CSF1: variants seen among roughly 807,000 people sequenced by gnomAD.
CSF1 encodes the protein macrophage colony-stimulating factor 1.
A neutral mutation model predicts 48.9 loss-of-function variants in CSF1; 9 were observed. That is an observed-to-expected ratio of 0.18 (90% CI 0.11 to 0.32). The LOEUF (loss-of-function observed/expected upper bound fraction) is 0.32, where lower values mean the gene tolerates loss of function less well. Among genes scored for constraint, CSF1 ranks in the 10% least tolerant of loss-of-function variants. The probability of loss-of-function intolerance (pLI) is 1.00; values close to 1 mark genes in which losing one functional copy is unlikely to be tolerated. For missense variants in CSF1, 672 were observed against 697.9 expected, an observed-to-expected ratio of 0.96 and a Z score of 0.42; for synonymous variants, 305 against 284.1, an observed-to-expected ratio of 1.07 and a Z score of -0.74.
At chr1:109,912,900 CA>C in intron 1 of CSF1, among the ~76,000 whole-genome samples, 1 of 152,262 alleles carries the variant, frequency 6.6e-6, no homozygotes, top group South Asian at 2.1e-4. Flanking sequence ...TTCCCTCCCT[CA>C]GATCAGCCAG....
At chr1:109,920,339 C>T (rs1647472948) in intron 4 of CSF1, among the ~76,000 whole-genome samples, 1 of 150,792 alleles carries the variant, frequency 6.6e-6, no homozygotes, top group Non-Finnish European at 1.5e-5. Context: ...GCCATCTCAG[C>T]TCACTGCAAC....
chr1:109,919,681 C>A (rs943842969), intron 4 of CSF1, among the ~76,000 whole-genome samples: 3 of 152,084 alleles, frequency 2.0e-5, no homozygotes, highest in African/African-American at 4.8e-5. Context: ...GCTCCAGGGC[C>A]GGGCGCGGTG....
chr1:109,914,250 C>T lies in CSF1; in HGVS notation c.40-9C>T, dbSNP rs550625120. On this transcript the variant is annotated splice_polypyrimidine_tract_variant and intron_variant, in intron 1 of 8. Coordinates refer to ENST00000329608, the MANE Select transcript of CSF1 (RefSeq NM_000757.6). The stretch of plus-strand genomic sequence containing the variant: ...GACCTGGGGAGAAATGACACCCTCT[C>T]TGTCACAGACATGGCTGGGCTCCCT... 3.8e-5 allele frequency: 60 copies of T among 1,594,432 alleles called. No individual in the cohort carries two copies. The South Asian group carries it at 6.6e-4, about 17-fold the overall frequency.
chr1:109,922,887 A>G (rs1359036740), intron 5 of CSF1, among the ~76,000 whole-genome samples: 1 of 152,130 alleles, frequency 6.6e-6, no homozygotes, highest in Non-Finnish European at 1.5e-5. Context: ...GAACCCCTGC[A>G]TGGGCTGTTC....
intron 8 of CSF1, among the ~76,000 whole-genome samples, chr1:109,927,605 C>A (rs1261964212): frequency 6.6e-6 from 1 of 152,176 alleles, no homozygotes; most frequent in East Asian, 1.9e-4. Context: ...AAGCTTTCCT[C>A]TTCCCCCTCA....
chr1:109,918,203 A>C (rs1218653869), intron 4 of CSF1, among the ~76,000 whole-genome samples: 3 of 152,254 alleles, frequency 2.0e-5, no homozygotes, highest in African/African-American at 7.2e-5. Flanking sequence ...AAAGCTATGC[A>C]CAAAGCCCTA....
At chr1:109,920,476 G>C (rs1647480343) in intron 4 of CSF1, among the ~76,000 whole-genome samples, 1 of 152,098 alleles carries the variant, frequency 6.6e-6, no homozygotes, top group Non-Finnish European at 1.5e-5. Context: ...GTGCCACCAT[G>C]CCTGGCTAAT....
rs930059398 is a variant in CSF1, at chr1:109,917,416, T to C, written c.349T>C (p.Leu117=). ...IAIVQLQELS[L]RLKSCFTKDY... ...CATTGTGCAGCTGCAGGAACTCTCT[T>C]TGAGGCTGAAGAGCTGCTTCACCAA... Residue 117 remains leucine, a synonymous_variant, in exon 4 of 9, where the codon TTG becomes CTG. Transcript: ENST00000329608. 30 of 1,614,042 alleles carry C rather than the reference T, an allele frequency of 1.9e-5. No homozygotes were observed. Among genetic ancestry groups the C allele is most frequent in the Non-Finnish European group, 2.5e-5 (29 of 1,180,032 alleles).
intron 8 of CSF1, among the ~76,000 whole-genome samples, chr1:109,927,852 T>C (rs1231916784): frequency 2.0e-5 from 3 of 152,198 alleles, no homozygotes; most frequent in Admixed American, 2.0e-4. Flanking sequence ...ACCTCAGCCC[T>C]AAGCAGCTAG....
chr1:109,911,439 C>T (rs1654679877), intron 1 of CSF1, among the ~76,000 whole-genome samples: 1 of 152,238 alleles, frequency 6.6e-6, no homozygotes, highest in African/African-American at 2.4e-5. Context: ...GTGTGCCCTC[C>T]CCGGTGGGCA....
At chr1:109,921,717 G>A in intron 4 of CSF1, 130 bp from the exon 5 acceptor site, 2 of 1,182,380 alleles carry the variant, frequency 1.7e-6, no homozygotes, top group East Asian at 2.5e-5. Flanking sequence ...CAAACCAGGG[G>A]AAAGGGGAGC....
chr1:109,917,471 G>A lies in CSF1; in HGVS notation c.396+8G>A. Reference sequence around the variant, plus strand: ...TATGAAGAGCATGACAAGGTAGGAAGCCCTGAGGCCTGGAGCACTGAGTGA... The same window carrying A: ...TATGAAGAGCATGACAAGGTAGGAAACCCTGAGGCCTGGAGCACTGAGTGA... On this transcript the variant is annotated splice_region_variant and intron_variant, in intron 4 of 8. Transcript: ENST00000329608. 1 of 1,613,496 alleles carries A rather than the reference G, an allele frequency of 6.2e-7. No individual in the cohort carries two copies. The highest frequency in any genetic ancestry group is 2.2e-5 in the East Asian group (1 of 44,882).
In CSF1 at chr1:109,925,427, G is replaced by A. The variant is rs185600944; in HGVS notation, c.*13+225G>A. Among the ~76,000 whole-genome samples, 1,028 of 151,898 alleles carry A rather than the reference G, an allele frequency of 6.8e-3. 26 individuals carry two copies. Among genetic ancestry groups the A allele is most frequent in the Admixed American group, 0.044 (674 of 15,260 alleles). On this transcript the variant is annotated intron_variant, in intron 8 of 8. Coordinates refer to ENST00000329608, the MANE Select transcript of CSF1 (RefSeq NM_000757.6). The stretch of plus-strand genomic sequence containing the variant: ...TTCCATCCACCCCCGCTGAGGCCAG[G>A]GACTATTACCTCTGCATTGGGCTTC...
rs2297704 is a variant in CSF1, at chr1:109,917,220, C to T, written c.226-73C>T. ...GGAAGGGGGAGAGCAAGCTGCAACC[C>T]TCCATCTGCCTGGGGTTGGGGGTTC... On this transcript the variant is annotated intron_variant, in intron 3 of 8. Transcript: ENST00000329608. The T allele has an allele frequency of 5.4e-3, 8,189 of 1,524,344 alleles. 115 individuals carry two copies. The East Asian group carries it at 0.06, about 11-fold the overall frequency. The allele number at this position is 1,524,344 out of a possible 1,614,324, so 94.4% of individuals were successfully genotyped here. A position where few individuals can be genotyped will look rare whatever the true frequency, so the allele number is the denominator to read the frequency against.
intron 4 of CSF1, among the ~76,000 whole-genome samples, chr1:109,918,616 G>A (rs967397891): frequency 1.3e-5 from 2 of 152,136 alleles, no homozygotes; most frequent in Non-Finnish European, 2.9e-5. Context: ...GAGAAGCTGA[G>A]GGAAAGAAAA....
At chr1:109,911,518 G>T (rs1654682914) in intron 1 of CSF1, among the ~76,000 whole-genome samples, 1 of 152,212 alleles carries the variant, frequency 6.6e-6, no homozygotes, top group Admixed American at 6.5e-5. Flanking sequence ...GGCAGGGAAA[G>T]TTCAGGGGGT....
Position 109,923,929 on chromosome 1 carries a change from C to G in CSF1, c.1308C>G (p.Pro436=). 6.2e-7 allele frequency: 1 copy of G among 1,614,198 alleles called. No homozygotes were observed. The highest frequency in any genetic ancestry group is 8.5e-7 in the Non-Finnish European group (1 of 1,179,996). The part of the protein sequence containing the change: ...SRSHSSGSVL[P]LGELEGRRST... Reference sequence around the variant, plus strand: ...GCCACTCCTCGGGCAGCGTGCTGCCCCTTGGGGAGCTGGAGGGCAGGAGGA... The same window carrying G: ...GCCACTCCTCGGGCAGCGTGCTGCCGCTTGGGGAGCTGGAGGGCAGGAGGA... The change falls in exon 6 of 9, where the codon CCC becomes CCG. Residue 436 remains proline, a synonymous_variant. Transcript: ENST00000329608.
Position 109,914,376 on chromosome 1 carries a change from C to A in CSF1, c.157C>A (p.Arg53=), listed in dbSNP as rs894985163. ...GAGTGGACACCTGCAGTCTCTGCAG[C>A]GGCTGGTGAGTGTGTGGCCATGCTG... The part of the protein sequence containing the change: ...IGSGHLQSLQ[R]LIDSQMETSC... The change falls in exon 2 of 9, where the codon CGG becomes AGG. Residue 53 remains arginine, a synonymous_variant. Coordinates refer to ENST00000329608, the MANE Select transcript of CSF1 (RefSeq NM_000757.6). 2 of 1,597,958 alleles carry A rather than the reference C, an allele frequency of 1.3e-6. No individual in the cohort carries two copies. The highest frequency in any genetic ancestry group is 1.1e-5 in the South Asian group (1 of 87,110).
At chr1:109,924,890 T>A in intron 7 of CSF1, 62 bp downstream of exon 7, 1 of 1,508,160 alleles carries the variant, frequency 6.6e-7, no homozygotes, top group Admixed American at 1.9e-5. Context: ...CTGTTTCCCC[T>A]CTTCGTGGTG....
Sources: gnomAD v4.1 joint callset for allele counts (sites outside exome capture counted in the v4.1 genomes callset) on GRCh38, gnomAD v4.1.1 for gene constraint, MANE v1.5 for transcripts, NCBI Gene and HGNC (gene_info 2026-07-23, HGNC 2026-07-21) for gene names.